ECE2: variants seen among roughly 807,000 people sequenced by gnomAD.
ECE2 encodes the protein endothelin converting enzyme 2, also known as endothelin-converting enzyme 2.
Under a neutral mutation model 100.6 loss-of-function variants are expected in ECE2, and 81 were observed. The observed-to-expected ratio is 0.81, with a 90% CI of 0.67 to 0.97. The LOEUF (loss-of-function observed/expected upper bound fraction) is 0.97, where lower values mean the gene tolerates loss of function less well. ECE2 is among the 50% of genes least tolerant of loss of function. The pLI is 0.00. For missense variants in ECE2, 911 were observed against 988.1 expected (o/e 0.92, Z 1.05); for synonymous variants, 391 against 391.5 (o/e 1.00, Z 0.02).
At position 184,285,190 on chromosome 3, in the gene ECE2, A is replaced by T. The variant is rs112412694; in HGVS notation, c.1148+85A>T. The T allele has an allele frequency of 1.1e-5, 17 of 1,527,524 alleles. No individual in the cohort carries two copies. The African/African-American group carries it at 1.4e-4, about 12-fold the overall frequency. The allele number at this position is 1,527,524 out of a possible 1,614,324, so 94.6% of individuals were successfully genotyped here. A position where few individuals can be genotyped will look rare whatever the true frequency, so the allele number is the denominator to read the frequency against. On this transcript the variant is annotated intron_variant, in intron 9 of 18. Transcript: ENST00000404464. ...TAATGGACAGGCCCAGCCACACAGA[A>T]CAACATTTGGTAATGCTATGGGCCT... is the stretch of plus-strand genomic sequence containing the variant.
rs1185258835 is a variant in ECE2 at position 184,291,851 on chromosome 3, C to T, written c.2122-211C>T. 8.4e-6 allele frequency: 5 copies of T among 595,958 alleles called. No homozygotes were observed. The highest frequency in any genetic ancestry group is 2.3e-5 in the South Asian group (1 of 42,688). 36.9% of individuals were successfully genotyped at this position (595,958 alleles called of 1,614,324 possible). On this transcript the variant is annotated intron_variant, in intron 18 of 18. Transcript: ENST00000404464. The surrounding 1 kb of genome is among the most constrained non-coding windows in gnomAD (Gnocchi z 4.1). Reference sequence around the variant, plus strand: ...AGAGCAAGGACCCAGGCAGAGCCTCCGCTGGGCAGCCACAGCAGGCAGCTT... The same window carrying T: ...AGAGCAAGGACCCAGGCAGAGCCTCTGCTGGGCAGCCACAGCAGGCAGCTT...
intron 2 of ECE2, 46 bp from the exon 3 acceptor site, chr3:184,276,846 C>T (rs1720575860): frequency 6.2e-7 from 1 of 1,607,426 alleles, no homozygotes; most frequent in African/African-American, 1.3e-5. Flanking sequence ...AATCTTGGAT[C>T]CCTGCCCTGC....
In ECE2 at chr3:184,290,594, C is replaced by A. The variant is rs759433246; in HGVS notation, c.1693C>A (p.Leu565Ile). ...CCCCCAGACAGTGAATGCCTACTAC[C>A]TTCCAACTAAGAATGAGATCGTCTT... ...MTPQTVNAYYLPTKNEIVFPA... is the reference protein window; with the variant it reads ...MTPQTVNAYYIPTKNEIVFPA... Residue 565 changes from leucine (L) to isoleucine (I), a missense_variant, in exon 15 of 19, where the codon CTT becomes ATT. Transcript: ENST00000404464. The A allele has an allele frequency of 6.2e-7, 1 of 1,614,196 alleles. No homozygotes were observed. The highest frequency in any genetic ancestry group is 2.2e-5 in the East Asian group (1 of 44,884).
chr3:184,292,290 C>A lies in ECE2; in HGVS notation c.*52C>A. The A allele has an allele frequency of 6.2e-7, 1 of 1,601,818 alleles. No individual in the cohort carries two copies. Among genetic ancestry groups the A allele is most frequent in the South Asian group, 1.1e-5 (1 of 90,006 alleles). On this transcript the variant is annotated 3_prime_UTR_variant, in exon 19 of 19. Coordinates refer to ENST00000404464, the MANE Select transcript of ECE2 (RefSeq NM_001100121.2). ...CTGTCACCAGACCTGGGGCAGCTCT[C>A]CTGACAAAGCTGTTTGCTCTTGGGT...
chr3:184,276,817 T>C lies in ECE2; in HGVS notation c.127-75T>C. ...TAACCCTGTGGCTCTGAAAACTGCC[T>C]GTGGCTTCACCCTCTGGTAATCTTG... On this transcript the variant is annotated intron_variant, in intron 2 of 18. Coordinates refer to ENST00000404464, the MANE Select transcript of ECE2 (RefSeq NM_001100121.2). 5 of 1,591,450 alleles carry C rather than the reference T, an allele frequency of 3.1e-6. No individual in the cohort carries two copies. In the South Asian group the frequency reaches 5.7e-5, roughly 18 times the overall value.
Position 184,278,217 on chromosome 3 carries a change from G to A in ECE2, c.654G>A (p.Glu218=), listed in dbSNP as rs770379602. The change falls in exon 6 of 19, where the codon GAG becomes GAA. Residue 218 remains glutamate (E), a synonymous_variant. Transcript: ENST00000404464. ...CCTGGGACCAGGACAACTTTATGGA[G>A]GTGTTGAAGGCAGTAGCAGGGACCT... The part of the protein sequence containing the change: ...TGPWDQDNFM[E]VLKAVAGTYR... 2.5e-6 allele frequency: 4 copies of A among 1,614,188 alleles called. No individual in the cohort carries two copies. The highest frequency in any genetic ancestry group is 1.7e-6 in the Non-Finnish European group (2 of 1,180,038).
In ECE2 at chr3:184,292,077, C is replaced by T. The variant is rs918065407; in HGVS notation, c.2137C>T (p.Arg713Cys). The T allele has an allele frequency of 3.5e-5, 57 of 1,613,418 alleles. No homozygotes were observed. Among genetic ancestry groups the T allele is most frequent in the African/African-American group, 4.0e-5 (3 of 74,902 alleles). Residue 713 changes from arginine to cysteine, a missense_variant, in exon 19 of 19, where the codon CGC becomes TGC. Transcript: ENST00000404464. ...VGFAQVWCSV[R>C]TPESSHEGLV... Reference sequence around the variant, plus strand: ...TGGCCCGCAGGTGTGGTGCTCGGTCCGCACACCAGAGAGCTCTCACGAGGG... The same window carrying T: ...TGGCCCGCAGGTGTGGTGCTCGGTCTGCACACCAGAGAGCTCTCACGAGGG...
rs114398243 is a variant in ECE2, at chr3:184,290,879, G to A, written c.1834+19G>A. Reference sequence around the variant, plus strand: ...GACCAAGGTAGGGGCCCATGGAGTCGTCCCCTCTAGCCTAGAATTCCCAGT... The same window carrying A: ...GACCAAGGTAGGGGCCCATGGAGTCATCCCCTCTAGCCTAGAATTCCCAGT... On this transcript the variant is annotated intron_variant, in intron 16 of 18. Transcript: ENST00000404464. 1.7e-3 allele frequency: 2,691 copies of A among 1,614,092 alleles called. 37 individuals are homozygous for A. In the African/African-American group the frequency reaches 0.031, roughly 19 times the overall value.
At position 184,291,403 on chromosome 3, in the gene ECE2, C is replaced by G. The variant is rs777858990; in HGVS notation, c.2085C>G (p.Leu695=). Residue 695 remains leucine (L), a synonymous_variant, in exon 18 of 19, where the codon CTC becomes CTG. Coordinates refer to ENST00000404464, the MANE Select transcript of ECE2 (RefSeq NM_001100121.2). This position sits in a 1 kb window ranked among gnomAD's most constrained non-coding sequence, Gnocchi z 4.1. ...AGCAGCAACTGCCAGCCGTGGGGCTCACCAACCACCAGCTCTTCTTCGTGG... is the reference window on the plus strand; with the variant it reads ...AGCAGCAACTGCCAGCCGTGGGGCTGACCAACCACCAGCTCTTCTTCGTGG... ...GEEQQLPAVG[L]TNHQLFFVGF... 1.2e-6 allele frequency: 2 copies of G among 1,604,520 alleles called. No individual in the cohort carries two copies. Among genetic ancestry groups the G allele is most frequent in the South Asian group, 2.2e-5 (2 of 89,392 alleles).
Position 184,276,197 on chromosome 3 carries a change from G to A in ECE2, c.39+5G>A. 6.9e-7 allele frequency: 1 copy of A among 1,447,524 alleles called. No homozygotes were observed. Among genetic ancestry groups the A allele is most frequent in the South Asian group, 1.4e-5 (1 of 71,880 alleles). The allele number at this position is 1,447,524 out of a possible 1,614,324, so 89.7% of individuals were successfully genotyped here. On this transcript the variant is annotated splice_donor_5th_base_variant and intron_variant, in intron 1 of 18. Coordinates refer to ENST00000404464, the MANE Select transcript of ECE2 (RefSeq NM_001100121.2). The stretch of plus-strand genomic sequence containing the variant: ...GAGCTGGGAGCTGGCAGCAACGTGA[G>A]TGGGGGCCCCGGGCTCCACGGGAGG...
chr3:184,284,073 T>C (rs1720927730), intron 8 of ECE2, 100 bp downstream of exon 8: 4 of 1,414,492 alleles, frequency 2.8e-6, no homozygotes, highest in Non-Finnish European at 3.9e-6. Flanking sequence ...GCCAGTCCTT[T>C]CCTCATTCCC....
At position 184,276,927 on chromosome 3, in the gene ECE2, C is replaced by T. The variant is rs201650848; in HGVS notation, c.162C>T (p.Gly54=). 6.2e-6 allele frequency: 10 copies of T among 1,614,178 alleles called. No individual in the cohort carries two copies. Among genetic ancestry groups the T allele is most frequent in the Non-Finnish European group, 7.6e-6 (9 of 1,180,032 alleles). ...GFQKGTRQLL[G]SRTQLELVLA... is the part of the protein sequence containing the mutation. ...AGAAGGGGACAAGACAGCTGTTAGG[C>T]TCACGCACGCAGCTGGAGCTGGTCT... The change falls in exon 3 of 19, where the codon GGC becomes GGT. Residue 54 remains glycine (G), a synonymous_variant. Transcript: ENST00000404464.
rs112142455 is a variant in ECE2, at chr3:184,277,501, T to A, written c.478+35T>A. On this transcript the variant is annotated intron_variant, in intron 4 of 18. Transcript: ENST00000404464. Reference sequence around the variant, plus strand: ...GCTGTTAGGGAGGCCTTGGGCCACCTATGTGCCTTGTGCCCAGCACAGGGC... The same window carrying A: ...GCTGTTAGGGAGGCCTTGGGCCACCAATGTGCCTTGTGCCCAGCACAGGGC... The A allele has an allele frequency of 7.0e-5, 113 of 1,606,422 alleles. No homozygotes were observed. The African/African-American group carries it at 1.3e-3, about 19-fold the overall frequency.
chr3:184,285,674 C>T, intron 10 of ECE2, 82 bp downstream of exon 10: 2 of 1,061,086 alleles, frequency 1.9e-6, no homozygotes, highest in Non-Finnish European at 1.5e-6. Context: ...CACCATGTGC[C>T]TCATGGTGCA....
rs1450436999 is a variant in ECE2 at position 184,291,589 on chromosome 3, C to T, written c.2121+150C>T. On this transcript the variant is annotated intron_variant, in intron 18 of 18. Coordinates refer to ENST00000404464, the MANE Select transcript of ECE2 (RefSeq NM_001100121.2). The surrounding 1 kb of genome is among the most constrained non-coding windows in gnomAD (Gnocchi z 4.1). ...AAGGTGGGCTGGGAAGGCCCATGCC[C>T]AGAGCCTCCGGCCAGCCAGGGCCCA... 6 of 773,400 alleles carry T rather than the reference C, an allele frequency of 7.8e-6. No individual in the cohort carries two copies. In the East Asian group the frequency reaches 8.8e-5, roughly 11 times the overall value. The allele number at this position is 773,400 out of a possible 1,614,324, so 47.9% of individuals were successfully genotyped here.
intron 11 of ECE2, 33 bp downstream of exon 11, chr3:184,287,980 C>G (rs1721133802): frequency 6.3e-7 from 1 of 1,592,056 alleles, no homozygotes; most frequent in East Asian, 2.2e-5. Context: ...ACACTATGCC[C>G]TCAAAATTGA....
At position 184,278,208 on chromosome 3, in the gene ECE2, C is replaced by A; in HGVS notation, c.645C>A (p.Asn215Lys). The A allele has an allele frequency of 6.2e-7, 1 of 1,614,178 alleles. No individual in the cohort carries two copies. The highest frequency in any genetic ancestry group is 8.5e-7 in the Non-Finnish European group (1 of 1,180,038). The change falls in exon 6 of 19, where the codon AAC (asparagine) becomes AAA (lysine). Residue 215 changes from asparagine (N) to lysine (K), a missense_variant. Asn to Lys is a moderately conservative substitution (Grantham distance 94, BLOSUM62 0). Transcript: ENST00000404464. ...WNITGPWDQDNFMEVLKAVAG... is the reference protein window; with the variant it reads ...WNITGPWDQDKFMEVLKAVAG... Reference sequence around the variant, plus strand: ...TTACGGGGCCCTGGGACCAGGACAACTTTATGGAGGTGTTGAAGGCAGTAG... The same window carrying A: ...TTACGGGGCCCTGGGACCAGGACAAATTTATGGAGGTGTTGAAGGCAGTAG...
chr3:184,289,031 T>G lies in ECE2; in HGVS notation c.1375-406T>G, dbSNP rs1721188335. On this transcript the variant is annotated intron_variant, in intron 11 of 18. Coordinates refer to ENST00000404464, the MANE Select transcript of ECE2 (RefSeq NM_001100121.2). The surrounding 1 kb of genome is among the most constrained non-coding windows in gnomAD (Gnocchi z 4.1). The stretch of plus-strand genomic sequence containing the variant: ...TTACCCGGGCATGATGGCGGGAGCC[T>G]GTAATCCTAGCTACTTGGGAGGCTG... 6.6e-6 allele frequency among the ~76,000 whole-genome samples: 1 copy of G among 152,098 alleles called. No homozygotes were observed. The highest frequency in any genetic ancestry group is 2.1e-4 in the South Asian group (1 of 4,814).
At chr3:184,284,097 C>T in intron 8 of ECE2, 124 bp downstream of exon 8, 2 of 1,221,360 alleles carry the variant, frequency 1.6e-6, no homozygotes, top group East Asian at 2.5e-5. Flanking sequence ...CTTTTCTGTG[C>T]TCCCCAGCTG....
Sources: allele counts gnomAD v4.1 joint callset (sites outside exome capture counted in the v4.1 genomes callset), GRCh38; gene constraint gnomAD v4.1.1; non-coding constraint Gnocchi (gnomAD v3.1); transcripts MANE v1.5; gene names NCBI Gene and HGNC (gene_info 2026-07-23, HGNC 2026-07-21).